Variants in GALNTL6 observed in about 807,000 individuals in gnomAD.
GALNTL6 encodes the protein polypeptide N-acetylgalactosaminyltransferase like 6.
A neutral mutation model predicts 73.7 loss-of-function variants in GALNTL6; 46 were observed. The observed-to-expected ratio is 0.62, with a 90% CI of 0.49 to 0.80. GALNTL6 has a LOEUF of 0.80. Ranked by LOEUF, GALNTL6 falls within the 30% of genes least tolerant of loss-of-function variation. The pLI is 0.00. For synonymous variants in GALNTL6, 259 were observed against 263.7 expected, an observed-to-expected ratio of 0.98 and a Z score of 0.17; for missense variants, 604 against 755.0, an observed-to-expected ratio of 0.80 and a Z score of 2.34.
At chr4:172,361,501 GGCCTCTT>G in intron 5 of GALNTL6, among the ~76,000 whole-genome samples, 1 of 152,008 alleles carries the variant, frequency 6.6e-6, no homozygotes, top group South Asian at 2.1e-4. Context: ...ATTAATGCTG[GGCCTCTT>G]ACTTTCCAAG....
chr4:172,516,479 A>G (rs1280609675), intron 5 of GALNTL6, among the ~76,000 whole-genome samples: 1 of 152,180 alleles, frequency 6.6e-6, no homozygotes, highest in Non-Finnish European at 1.5e-5. Flanking sequence ...TGTCCTCCAA[A>G]CAAAATAATC....
At chr4:172,350,240 G>T (rs1235586323) in intron 5 of GALNTL6, among the ~76,000 whole-genome samples, 2 of 152,144 alleles carry the variant, frequency 1.3e-5, no homozygotes, top group African/African-American at 4.8e-5. Flanking sequence ...GTAGAATTTT[G>T]AACTGGTGGG....
intron 9 of GALNTL6, among the ~76,000 whole-genome samples, chr4:172,943,641 C>T (rs1179485554): frequency 3.3e-5 from 5 of 152,130 alleles, no homozygotes; most frequent in Non-Finnish European, 7.4e-5. Flanking sequence ...CAAGCTTGTA[C>T]ACCAAAGGAC....
chr4:172,013,886 C>T (rs1284009753), intron 2 of GALNTL6, among the ~76,000 whole-genome samples: 1 of 139,510 alleles, frequency 7.2e-6, no homozygotes, highest in South Asian at 2.6e-4. Flanking sequence ...CCTTCCCAGA[C>T]TCTGATACCA....
At chr4:172,849,520 A>G (rs941868073) in intron 7 of GALNTL6, among the ~76,000 whole-genome samples, 7 of 152,310 alleles carry the variant, frequency 4.6e-5, no homozygotes, top group African/African-American at 1.7e-4. Flanking sequence ...GAGTAGATGG[A>G]TGAATGAGCA....
chr4:172,971,143 C>T (rs1313009810), intron 10 of GALNTL6, among the ~76,000 whole-genome samples: 3 of 152,200 alleles, frequency 2.0e-5, no homozygotes, highest in Non-Finnish European at 4.4e-5. Flanking sequence ...TGGCTCCCTT[C>T]CCTCTTTCTG....
chr4:172,823,043 C>G lies in GALNTL6; in HGVS notation c.923+9320C>G, dbSNP rs116298863. On this transcript the variant is annotated intron_variant, in intron 7 of 12. Transcript: ENST00000506823. ...TTAACTGAAATCTTGCTCCCTTTAGCTAAGGGAGAAACTTCCATGCACCTG... is the reference window on the plus strand; with the variant it reads ...TTAACTGAAATCTTGCTCCCTTTAGGTAAGGGAGAAACTTCCATGCACCTG... Among the ~76,000 whole-genome samples the G allele has an allele frequency of 5.5e-3, 831 of 152,216 alleles. 10 individuals carry two copies. The highest frequency in any genetic ancestry group is 0.016 in the African/African-American group (670 of 41,508).
chr4:172,379,100 A>G (rs1743160403), intron 5 of GALNTL6, among the ~76,000 whole-genome samples: 1 of 152,226 alleles, frequency 6.6e-6, no homozygotes, highest in Non-Finnish European at 1.5e-5. Flanking sequence ...GGGAGAATCT[A>G]TACTTGACAG....
At chr4:172,633,945 G>T (rs948807715) in intron 5 of GALNTL6, among the ~76,000 whole-genome samples, 1 of 152,212 alleles carries the variant, frequency 6.6e-6, no homozygotes, top group Non-Finnish European at 1.5e-5. Context: ...CTTCTGGCAT[G>T]ATTGTGAGGC....
intron 3 of GALNTL6, among the ~76,000 whole-genome samples, chr4:172,304,691 ACATAAACCTACTTTATCT>A (rs1457003223): frequency 6.6e-6 from 1 of 152,056 alleles, no homozygotes; most frequent in Non-Finnish European, 1.5e-5. Flanking sequence ...TTTCCCCCGG[ACATAAACCTACTTTATCT>A]CTCAGTATTC....
intron 3 of GALNTL6, among the ~76,000 whole-genome samples, chr4:172,299,397 T>C (rs1578927128): frequency 6.6e-6 from 1 of 152,236 alleles, no homozygotes; most frequent in African/African-American, 2.4e-5. Flanking sequence ...AGTTATTTCT[T>C]GCCTTCTACT....
chr4:172,341,138 C>T (rs1385456412), intron 4 of GALNTL6, among the ~76,000 whole-genome samples: 1 of 152,140 alleles, frequency 6.6e-6, no homozygotes, highest in African/African-American at 2.4e-5. Context: ...TTGTTTGTTG[C>T]TTGATATTCA....
At chr4:172,416,531 C>T (rs1730843583) in intron 5 of GALNTL6, among the ~76,000 whole-genome samples, 1 of 152,012 alleles carries the variant, frequency 6.6e-6, no homozygotes, top group Non-Finnish European at 1.5e-5. Flanking sequence ...AGTGAGAAGC[C>T]CCCACCTTTT....
intron 2 of GALNTL6, among the ~76,000 whole-genome samples, chr4:171,899,256 G>C (rs1467771669): frequency 6.6e-6 from 1 of 151,964 alleles, no homozygotes; most frequent in Non-Finnish European, 1.5e-5. Context: ...AGGCTCCCAA[G>C]GTGGTTACCC....
intron 4 of GALNTL6, 62 bp from the exon 5 acceptor site, chr4:172,348,461 A>G (rs1741828452): frequency 7.6e-7 from 1 of 1,323,784 alleles, no homozygotes; most frequent in Non-Finnish European, 1.1e-6. Flanking sequence ...TGAATAAACA[A>G]CAGAATAAGA....
intron 5 of GALNTL6, among the ~76,000 whole-genome samples, chr4:172,548,840 T>C (rs1031480620): frequency 6.6e-6 from 1 of 152,176 alleles, no homozygotes; most frequent in Non-Finnish European, 1.5e-5. Context: ...TGTATGTATA[T>C]GTTTTTCCAA....
chr4:172,244,750 T>G (rs1737563383), intron 3 of GALNTL6, among the ~76,000 whole-genome samples: 1 of 152,130 alleles, frequency 6.6e-6, no homozygotes, highest in South Asian at 2.1e-4. Flanking sequence ...TCTCAAAAAT[T>G]TTTCACAAGG....
At chr4:172,180,269 C>T (rs1003366323) in intron 2 of GALNTL6, among the ~76,000 whole-genome samples, 1 of 152,108 alleles carries the variant, frequency 6.6e-6, no homozygotes, top group Non-Finnish European at 1.5e-5. Flanking sequence ...TGTTCATATC[C>T]TTTGCCCATG....
intron 9 of GALNTL6, among the ~76,000 whole-genome samples, chr4:172,945,058 C>CAAA (rs200461415): frequency 1.3e-5 from 1 of 76,890 alleles, no homozygotes; most frequent in African/African-American, 5.4e-5. Flanking sequence ...AATTCCATCT[C>CAAA]AAAAAAAAAA....
Sources: allele counts gnomAD v4.1 joint callset (sites outside exome capture counted in the v4.1 genomes callset), GRCh38; gene constraint gnomAD v4.1.1; transcripts MANE v1.5; gene names NCBI Gene and HGNC (gene_info 2026-07-23, HGNC 2026-07-21).